SRCIN1: variants seen among roughly 807,000 people sequenced by gnomAD.
The protein encoded by SRCIN1 is SRC kinase signaling inhibitor 1, also known as P130Cas-associated protein.
A neutral mutation model predicts 116.2 loss-of-function variants in SRCIN1; 50 were observed. The observed-to-expected ratio is 0.43, with a 90% CI of 0.34 to 0.54. SRCIN1 has a LOEUF of 0.54. Ranked by LOEUF, SRCIN1 falls within the 20% of genes least tolerant of loss-of-function variation. SRCIN1 has a pLI of 0.02. For synonymous variants in SRCIN1, 736 were observed against 750.0 expected (o/e 0.98, Z 0.30); for missense variants, 1,446 against 1,672.0 (o/e 0.86, Z 2.36).
chr17:38,535,525 C>T (rs1399882440), intron 18 of SRCIN1, among the ~76,000 whole-genome samples: 1 of 152,098 alleles, frequency 6.6e-6, no homozygotes, highest in South Asian at 2.1e-4. Context: ...GTTTTCTAAC[C>T]CCTCTCCTCT....
Position 38,533,132 on chromosome 17 carries a change from AGATGATG to A in SRCIN1, c.*158_*164del. 1.8e-6 allele frequency: 1 copy of A among 570,742 alleles called. No individual in the cohort carries two copies. Among genetic ancestry groups the A allele is most frequent in the Non-Finnish European group, 2.6e-6 (1 of 386,970 alleles). The allele number at this position is 570,742 out of a possible 1,614,324, so 35.4% of individuals were successfully genotyped here. ...AAAAAACAAAACCAAAAACACCAAC[AGATGATG>A]GGTAGGGGTCGCTGAGGAGGGCCGC... is the stretch of plus-strand genomic sequence containing the variant. On this transcript the variant is annotated 3_prime_UTR_variant, in exon 19 of 19. Coordinates refer to ENST00000617146, the MANE Select transcript of SRCIN1 (RefSeq NM_025248.3).
chr17:38,562,683 G>C lies in SRCIN1; in HGVS notation c.834+144C>G, dbSNP rs572523127. 545 of 721,286 alleles carry C rather than the reference G, an allele frequency of 7.6e-4. 2 individuals are homozygous for C. The highest frequency in any genetic ancestry group is 5.7e-3 in the Middle Eastern group (15 of 2,616). 44.7% of individuals were successfully genotyped at this position (721,286 alleles called of 1,614,324 possible). A position where few individuals can be genotyped will look rare whatever the true frequency, so the allele number is the denominator to read the frequency against. Reference sequence around the variant, plus strand: ...GAATGGAGGGGAAAGTGGCAGGTGGGACAGGGGCTCTTCCCTAACCCCTCA... The same window carrying C: ...GAATGGAGGGGAAAGTGGCAGGTGGCACAGGGGCTCTTCCCTAACCCCTCA... On this transcript the variant is annotated intron_variant, in intron 6 of 18. Transcript: ENST00000617146. The surrounding 1 kb of genome is among the most constrained non-coding windows in gnomAD (Gnocchi z 4.2).
At position 38,530,706 on chromosome 17, in the gene SRCIN1, TGTACGTGGCCCACACACAA is replaced by T. The variant is rs2144864843; in HGVS notation, c.*2572_*2590del. The T allele has an allele frequency of 6.6e-6, 1 of 152,450 alleles. No homozygotes were observed. The highest frequency in any genetic ancestry group is 1.5e-5 in the Non-Finnish European group (1 of 68,060). The allele number at this position is 152,450 out of a possible 1,614,324, so 9.4% of individuals were successfully genotyped here. A position where few individuals can be genotyped will look rare whatever the true frequency, so the allele number is the denominator to read the frequency against. ...CTCCATGTATGCGTCTCTATCCACATGTACGTGGCCCACACACAAGTCTCTGGCTCTCGGCATGTCTGCA... is the reference window on the plus strand; with the variant it reads ...CTCCATGTATGCGTCTCTATCCACATGTCTCTGGCTCTCGGCATGTCTGCA... On this transcript the variant is annotated 3_prime_UTR_variant, in exon 19 of 19. Coordinates refer to ENST00000617146, the MANE Select transcript of SRCIN1 (RefSeq NM_025248.3).
At position 38,559,279 on chromosome 17, in the gene SRCIN1, C is replaced by T. The variant is rs1906032065; in HGVS notation, c.2025+306G>A. On this transcript the variant is annotated intron_variant, in intron 10 of 18. Transcript: ENST00000617146. ...CCGAGGGATACTGACGACGGAGGGGCTCAGTGGGTGACTGGGGCTCCAGGA... is the reference window on the plus strand; with the variant it reads ...CCGAGGGATACTGACGACGGAGGGGTTCAGTGGGTGACTGGGGCTCCAGGA... 6 of 504,496 alleles carry T rather than the reference C, an allele frequency of 1.2e-5. No individual in the cohort carries two copies. The South Asian group carries it at 1.6e-4, about 13-fold the overall frequency. The allele number at this position is 504,496 out of a possible 1,614,324, so 31.3% of individuals were successfully genotyped here.
rs368366018 is a variant in SRCIN1, at chr17:38,563,310, G to T, written c.740+13C>A. ...GGGGAAGCCCACCCAAATCCCCCCCGGTCCACGCCCACCGGACGTCCTCCA... is the reference window on the plus strand; with the variant it reads ...GGGGAAGCCCACCCAAATCCCCCCCTGTCCACGCCCACCGGACGTCCTCCA... On this transcript the variant is annotated intron_variant, in intron 5 of 18. Coordinates refer to ENST00000617146, the MANE Select transcript of SRCIN1 (RefSeq NM_025248.3). This position sits in a 1 kb window ranked among gnomAD's most constrained non-coding sequence, Gnocchi z 5.8. 5.6e-5 allele frequency: 88 copies of T among 1,562,950 alleles called. 1 individual carries two copies. The African/African-American group carries it at 1.0e-3, about 18-fold the overall frequency.
chr17:38,567,820 C>A (rs1906821604), intron 3 of SRCIN1, among the ~76,000 whole-genome samples: 1 of 152,148 alleles, frequency 6.6e-6, no homozygotes, highest in South Asian at 2.1e-4. Flanking sequence ...ACAGGGCCTC[C>A]CTGGGAGGTG....
intron 1 of SRCIN1, among the ~76,000 whole-genome samples, chr17:38,580,601 C>T (rs748246416): frequency 3.3e-5 from 5 of 152,190 alleles, no homozygotes; most frequent in African/African-American, 7.2e-5. Flanking sequence ...ATATTTATTA[C>T]GTTTGTGCCA....
chr17:38,569,279 T>C (rs1906920845), intron 2 of SRCIN1, among the ~76,000 whole-genome samples: 3 of 152,200 alleles, frequency 2.0e-5, no homozygotes, highest in Non-Finnish European at 4.4e-5. Context: ...CCGGGTTGGT[T>C]CTTGGCAAAG....
chr17:38,552,770 C>A lies in SRCIN1; in HGVS notation c.2287G>T (p.Ala763Ser). Residue 763 changes from alanine to serine, a missense_variant, in exon 12 of 19, where the codon GCA (alanine) becomes TCA (serine). Ala to Ser is a moderately conservative substitution (Grantham distance 99). Around this residue, in one of 5 missense-constraint regions of SRCIN1, gnomAD observed 531 missense variants for 633.9 expected, o/e 0.84. Transcript: ENST00000617146. The surrounding 1 kb of genome is among the most constrained non-coding windows in gnomAD (Gnocchi z 5.3). ...TCCCCGAGCTGCTTCAGCACCAGTGCCTTCTCCTCCAGCTCAGGGCCGGGC... is the reference window on the plus strand; with the variant it reads ...TCCCCGAGCTGCTTCAGCACCAGTGACTTCTCCTCCAGCTCAGGGCCGGGC... Reference protein sequence around the residue: ...LVPGPELEEKALVLKQLGETL... With the variant: ...LVPGPELEEKSLVLKQLGETL... The A allele has an allele frequency of 6.2e-7, 1 of 1,614,012 alleles. No homozygotes were observed. Among genetic ancestry groups the A allele is most frequent in the Non-Finnish European group, 8.5e-7 (1 of 1,179,896 alleles).
chr17:38,530,656 A>C lies in SRCIN1; in HGVS notation c.*2641T>G, dbSNP rs1268050309. On this transcript the variant is annotated 3_prime_UTR_variant, in exon 19 of 19. Coordinates refer to ENST00000617146, the MANE Select transcript of SRCIN1 (RefSeq NM_025248.3). The stretch of plus-strand genomic sequence containing the variant: ...CCAGCACACATACCTGCACACACAC[A>C]CTCGGAGACACAGATTACATGCACC... 1 of 152,262 alleles carries C rather than the reference A, an allele frequency of 6.6e-6. No homozygotes were observed. The highest frequency in any genetic ancestry group is 2.4e-5 in the African/African-American group (1 of 41,422). 9.4% of individuals were successfully genotyped at this position (152,262 alleles called of 1,614,324 possible).
rs1340659186 is a variant in SRCIN1, at chr17:38,568,087, G to A, written c.345+124C>T. On this transcript the variant is annotated intron_variant, in intron 3 of 18. Coordinates refer to ENST00000617146, the MANE Select transcript of SRCIN1 (RefSeq NM_025248.3). The surrounding 1 kb of genome is among the most constrained non-coding windows in gnomAD (Gnocchi z 4.5). ...ACAGCCTGCAGCCCCGAGGCCCACC[G>A]CCCATACCAGAAGGTGTCCGTGCAG... The A allele has an allele frequency of 1.1e-5, 13 of 1,214,308 alleles. No homozygotes were observed. The highest frequency in any genetic ancestry group is 3.9e-5 in the South Asian group (3 of 77,822). 75.2% of individuals were successfully genotyped at this position (1,214,308 alleles called of 1,614,324 possible).
At chr17:38,555,113 T>C (rs1401178584) in intron 11 of SRCIN1, among the ~76,000 whole-genome samples, 1 of 152,222 alleles carries the variant, frequency 6.6e-6, no homozygotes, top group Non-Finnish European at 1.5e-5. Context: ...TTCATTACTT[T>C]AATTAACCCT....
At chr17:38,582,208 C>T (rs146499070) in intron 1 of SRCIN1, among the ~76,000 whole-genome samples, 1 of 152,178 alleles carries the variant, frequency 6.6e-6, no homozygotes, top group Non-Finnish European at 1.5e-5. Flanking sequence ...GCTCCTCATC[C>T]CCTCTCTTAC....
intron 1 of SRCIN1, among the ~76,000 whole-genome samples, chr17:38,601,627 TACACACACACGCAC>T (rs1330003977): frequency 3.6e-5 from 5 of 140,052 alleles, no homozygotes. Flanking sequence ...CCTCAACACA[TACACACACACGCAC>T]ACACACACAC....
chr17:38,551,090 C>T, intron 15 of SRCIN1, 65 bp downstream of exon 15: 1 of 682,742 alleles, frequency 1.5e-6, no homozygotes, highest in South Asian at 2.1e-5. Context: ...CCCCCATCAG[C>T]CTGGGCTCCT....
chr17:38,551,215 TG>T lies in SRCIN1; in HGVS notation c.2901del (p.Lys968ArgfsTer23), dbSNP rs753894212. ...GCTGCCTTCTGGCCGTGGGGGGCCT[TG>T]GGGGGCTTGTGATCTGGAGTGGGGG... ...GPAPTPDHKP[P>X]KAPHGQKAAP... is the part of the protein sequence containing the mutation. On this transcript the variant is annotated frameshift_variant, in exon 15 of 19. Coordinates refer to ENST00000617146, the MANE Select transcript of SRCIN1 (RefSeq NM_025248.3). LOFTEE classifies it high-confidence loss of function. 2 of 1,598,104 alleles carry T rather than the reference TG, an allele frequency of 1.3e-6. No homozygotes were observed. The highest frequency in any genetic ancestry group is 1.7e-5 in the Admixed American group (1 of 59,708).
intron 1 of SRCIN1, 144 bp downstream of exon 1, chr17:38,605,540 G>T: frequency 2.1e-6 from 1 of 469,490 alleles, no homozygotes; most frequent in Non-Finnish European, 3.4e-6. Flanking sequence ...CTGCGCCCCA[G>T]CATCCCTCGC....
At position 38,544,326 on chromosome 17, in the gene SRCIN1, T is replaced by C. The variant is rs1350181425; in HGVS notation, c.3271-357A>G. Among the ~76,000 whole-genome samples the C allele has an allele frequency of 6.6e-6, 1 of 152,042 alleles. No homozygotes were observed. The highest frequency in any genetic ancestry group is 2.4e-5 in the African/African-American group (1 of 41,402). On this transcript the variant is annotated intron_variant, in intron 17 of 18. Transcript: ENST00000617146. The surrounding 1 kb of genome is among the most constrained non-coding windows in gnomAD (Gnocchi z 4.5). ...ACCCCACTCCCGGCAAGGGGCACCA[T>C]CTGGACCTGGGTGCACATGCCAGCA...
At chr17:38,538,416 C>CAAAAAAAAA (rs536827040) in intron 18 of SRCIN1, among the ~76,000 whole-genome samples, 1 of 100,552 alleles carries the variant, frequency 9.9e-6, no homozygotes, top group Non-Finnish European at 2.1e-5. Context: ...GACTCCGTCT[C>CAAAAAAAAA]AAAAAAAAAA....
Sources: allele counts gnomAD v4.1 joint callset (sites outside exome capture counted in the v4.1 genomes callset), GRCh38; gene constraint gnomAD v4.1.1; regional missense constraint gnomAD v4.1.1; non-coding constraint Gnocchi (gnomAD v3.1); transcripts MANE v1.5; gene names NCBI Gene and HGNC (gene_info 2026-07-23, HGNC 2026-07-21).